The following HSDL1 variants were observed in gnomAD, a reference collection of about 807,000 sequenced individuals.
HSDL1 encodes the protein hydroxysteroid dehydrogenase like 1.
A neutral mutation model predicts 31.5 loss-of-function variants in HSDL1; 29 were observed. The ratio of observed to expected loss-of-function variants is 0.92; its 90% confidence interval spans 0.69 to 1.26. HSDL1 has a LOEUF of 1.26. Ranked by LOEUF, HSDL1 falls within the 50% of genes most tolerant of loss-of-function variation. The probability of loss-of-function intolerance (pLI) is 0.00; values close to 1 mark genes in which losing one functional copy is unlikely to be tolerated. For missense variants in HSDL1, 503 were observed against 416.6 expected, an observed-to-expected ratio of 1.21 and a Z score of -1.81; for synonymous variants, 222 against 155.2, an observed-to-expected ratio of 1.43 and a Z score of -3.20.
intron 2 of HSDL1, among the ~76,000 whole-genome samples, chr16:84,131,731 T>G (rs985601335): frequency 7.1e-6 from 1 of 141,822 alleles, no homozygotes; most frequent in African/African-American, 2.7e-5. Context: ...CAGGCTGGAG[T>G]GCAGTGGCGC....
chr16:84,132,305 T>TG (rs1368761329), intron 2 of HSDL1, among the ~76,000 whole-genome samples: 1 of 152,168 alleles, frequency 6.6e-6, no homozygotes, highest in Non-Finnish European at 1.5e-5. Context: ...CACTAAGACA[T>TG]GGCCTTGGCC....
intron 5 of HSDL1, among the ~76,000 whole-genome samples, chr16:84,127,251 T>G (rs938747861): frequency 1.4e-4 from 20 of 139,346 alleles, no homozygotes; most frequent in African/African-American, 5.1e-4. Context: ...AGAGTCTAGC[T>G]CTGTCACCCA....
chr16:84,128,953 C>T (rs1457694018), intron 5 of HSDL1, among the ~76,000 whole-genome samples: 2 of 152,064 alleles, frequency 1.3e-5, no homozygotes, highest in African/African-American at 4.8e-5. Context: ...GGTGATCCAC[C>T]CACCTCAGCT....
intron 3 of HSDL1, 142 bp from the exon 4 acceptor site, chr16:84,130,573 A>C: frequency 1.5e-6 from 1 of 665,774 alleles, no homozygotes; most frequent in South Asian, 1.9e-5. Flanking sequence ...CAAGTCAAGG[A>C]CACTGTTGCT....
At chr16:84,132,208 T>C (rs2086676159) in intron 2 of HSDL1, among the ~76,000 whole-genome samples, 1 of 152,160 alleles carries the variant, frequency 6.6e-6, no homozygotes, top group African/African-American at 2.4e-5. Flanking sequence ...ACAGCAGAGG[T>C]ACATGTATTT....
At chr16:84,138,832 G>A (rs185009211) in intron 1 of HSDL1, among the ~76,000 whole-genome samples, 42 of 152,260 alleles carry the variant, frequency 2.8e-4, no homozygotes, top group African/African-American at 7.2e-5. Context: ...AAAGCGTCAC[G>A]GGACAATTAT....
intron 5 of HSDL1, among the ~76,000 whole-genome samples, chr16:84,129,270 C>G (rs1173146250): frequency 1.3e-5 from 2 of 151,796 alleles, no homozygotes; most frequent in East Asian, 3.9e-4. Flanking sequence ...GTCCCAGCTA[C>G]TCGGGAAGCT....
intron 2 of HSDL1, among the ~76,000 whole-genome samples, chr16:84,131,530 T>TCA (rs770023196): frequency 2.1e-3 from 311 of 146,248 alleles, no homozygotes; most frequent in African/African-American, 7.7e-3. Context: ...TCTATCTATC[T>TCA]ATCAGACAGA....
chr16:84,129,929 C>G, intron 4 of HSDL1, 57 bp downstream of exon 4: 1 of 1,545,314 alleles, frequency 6.5e-7, no homozygotes. Context: ...GACCAAACAA[C>G]TGTTAATAAA....
In HSDL1 at chr16:84,123,758, G is replaced by C. The variant is rs1222500073; in HGVS notation, c.*872C>G. 6.6e-6 allele frequency: 1 copy of C among 152,498 alleles called. No homozygotes were observed. Among genetic ancestry groups the C allele is most frequent in the African/African-American group, 2.4e-5 (1 of 41,440 alleles). The allele number at this position is 152,498 out of a possible 1,614,324, so 9.4% of individuals were successfully genotyped here. Reference sequence around the variant, plus strand: ...AATTTCAGTTATAAAATGGGTCAGAGGCTGAGAAATCACTATTTATCCACA... The same window carrying C: ...AATTTCAGTTATAAAATGGGTCAGACGCTGAGAAATCACTATTTATCCACA... On this transcript the variant is annotated 3_prime_UTR_variant, in exon 6 of 6. Coordinates refer to ENST00000219439, the MANE Select transcript of HSDL1 (RefSeq NM_031463.5).
At chr16:84,133,877 T>G (rs2086689600) in intron 2 of HSDL1, among the ~76,000 whole-genome samples, 2 of 152,200 alleles carry the variant, frequency 1.3e-5, no homozygotes. Flanking sequence ...GGAAACATTT[T>G]AAATTTGACT....
intron 5 of HSDL1, among the ~76,000 whole-genome samples, chr16:84,128,771 G>A (rs2086633174): frequency 6.6e-6 from 1 of 151,450 alleles, no homozygotes; most frequent in South Asian, 2.1e-4. Context: ...GCAGTAGCGT[G>A]ATCTTGGCTC....
rs1217231020 is a variant in HSDL1, at chr16:84,131,334, G to A, written c.-6-7C>T. The A allele has an allele frequency of 6.3e-7, 1 of 1,592,186 alleles. No homozygotes were observed. Among genetic ancestry groups the A allele is most frequent in the Non-Finnish European group, 8.6e-7 (1 of 1,160,716 alleles). On this transcript the variant is annotated splice_polypyrimidine_tract_variant and splice_region_variant and intron_variant, in intron 2 of 5. Transcript: ENST00000219439. ...CAACAGCAGCCATGGCAACCTGCAG[G>A]GAGAGGGAAAGAGAGAGAGCCTCTT...
At chr16:84,143,496 G>C (rs2086790736) in intron 1 of HSDL1, among the ~76,000 whole-genome samples, 1 of 152,154 alleles carries the variant, frequency 6.6e-6, no homozygotes, top group Admixed American at 6.6e-5. Context: ...TTTTGTAGGT[G>C]ATTAAATGTT....
chr16:84,141,043 A>T (rs1035751228), intron 1 of HSDL1, among the ~76,000 whole-genome samples: 18 of 149,434 alleles, frequency 1.2e-4, no homozygotes, highest in Admixed American at 4.0e-4. Context: ...GTGAGCGGAG[A>T]TCGCGCCACA....
chr16:84,129,413 C>G (rs1009340781), intron 5 of HSDL1, 135 bp downstream of exon 5: 16 of 698,458 alleles, frequency 2.3e-5, no homozygotes, highest in African/African-American at 3.6e-5. Context: ...AGTGTCTTAA[C>G]CAAAATTATT....
At chr16:84,127,894 T>C (rs985272919) in intron 5 of HSDL1, among the ~76,000 whole-genome samples, 1 of 151,406 alleles carries the variant, frequency 6.6e-6, no homozygotes, top group South Asian at 2.1e-4. Context: ...AATTTTTTTG[T>C]ATTTTTAATA....
chr16:84,141,652 C>A (rs2086770476), intron 1 of HSDL1, among the ~76,000 whole-genome samples: 1 of 152,246 alleles, frequency 6.6e-6, no homozygotes, highest in Admixed American at 6.5e-5. Flanking sequence ...CTCAATGTCA[C>A]TGGCTGGTAG....
intron 2 of HSDL1, among the ~76,000 whole-genome samples, chr16:84,133,334 C>T (rs1247397060): frequency 6.6e-6 from 1 of 152,120 alleles, no homozygotes; most frequent in Non-Finnish European, 1.5e-5. Context: ...AAATGCCCTA[C>T]GATAAGGAAA....
Sources: allele counts gnomAD v4.1 joint callset (sites outside exome capture counted in the v4.1 genomes callset), GRCh38; gene constraint gnomAD v4.1.1; transcripts MANE v1.5; gene names NCBI Gene and HGNC (gene_info 2026-07-23, HGNC 2026-07-21).